CACNA2D3: variants seen among roughly 807,000 people sequenced by gnomAD.
CACNA2D3 encodes the protein voltage-dependent calcium channel subunit alpha-2/delta-3.
CACNA2D3 carries 60 observed loss-of-function variants against 160.6 expected under a neutral mutation model. The ratio of observed to expected loss-of-function variants is 0.37; its 90% CI spans 0.30 to 0.46. The LOEUF (loss-of-function observed/expected upper bound fraction) is 0.46. Ranked by LOEUF, CACNA2D3 falls within the 20% of genes least tolerant of loss-of-function variation. CACNA2D3 has a pLI of 1.00. For synonymous variants in CACNA2D3, 558 were observed against 492.9 expected, an observed-to-expected ratio of 1.13 and a Z score of -1.75; for missense variants, 1,205 against 1,365.0, an observed-to-expected ratio of 0.88 and a Z score of 1.85.
At chr3:54,806,209 C>G (rs534939380) in intron 13 of CACNA2D3, among the ~76,000 whole-genome samples, 1 of 152,274 alleles carries the variant, frequency 6.6e-6, no homozygotes, top group African/African-American at 2.4e-5. Flanking sequence ...CCAGGGCAAT[C>G]AGGCGGGAGA....
rs1310640163 is a variant in CACNA2D3, at chr3:54,642,230, C to G, written c.1156C>G (p.Pro386Ala). 2.1e-5 allele frequency: 33 copies of G among 1,606,876 alleles called. No individual in the cohort carries two copies. The highest frequency in any genetic ancestry group is 2.8e-5 in the Non-Finnish European group (33 of 1,175,416). The change falls in exon 11 of 38, where the codon CCA becomes GCA. Residue 386 changes from proline (P) to alanine (A), a missense_variant. Transcript: ENST00000474759. ...YDTIFAKYNW[P>A]DRKVRIFTYL... ...TACAATCTTTGCAAAATACAATTGGCCAGATCGAAAGGTAAGTTGATGCTG... is the reference window on the plus strand; with the variant it reads ...TACAATCTTTGCAAAATACAATTGGGCAGATCGAAAGGTAAGTTGATGCTG...
chr3:54,914,247 G>A (rs1477685395), intron 27 of CACNA2D3, among the ~76,000 whole-genome samples: 11 of 151,976 alleles, frequency 7.2e-5, no homozygotes, highest in Admixed American at 7.2e-4. Flanking sequence ...GTCAACTCCA[G>A]TTGATCAGTA....
At chr3:54,502,851 G>C (rs538559884) in intron 4 of CACNA2D3, among the ~76,000 whole-genome samples, 1 of 152,320 alleles carries the variant, frequency 6.6e-6, no homozygotes, top group Non-Finnish European at 1.5e-5. Context: ...TAAGCCTTCT[G>C]TATATGTGAG....
In CACNA2D3 at chr3:54,287,779, A is replaced by G. The variant is rs59765939; in HGVS notation, c.205-32663A>G. On this transcript the variant is annotated intron_variant, in intron 2 of 37. Transcript: ENST00000474759. ...AACTCAGGATTAAGAATCTCACTAA[A>G]AACCGCTCAACTGCATGGAAACTGA... Among the ~76,000 whole-genome samples, 280 of 148,918 alleles carry G rather than the reference A, an allele frequency of 1.9e-3. 3 individuals carry two copies. In the East Asian group the frequency reaches 0.035, roughly 19 times the overall value.
intron 31 of CACNA2D3, among the ~76,000 whole-genome samples, chr3:54,997,873 C>T (rs189147459): frequency 2.6e-5 from 4 of 152,116 alleles, no homozygotes; most frequent in Non-Finnish European, 4.4e-5. Flanking sequence ...CCAGATTCTT[C>T]GATGAGGCCT....
At chr3:54,489,137 C>T (rs1456936351) in intron 4 of CACNA2D3, among the ~76,000 whole-genome samples, 1 of 152,096 alleles carries the variant, frequency 6.6e-6, no homozygotes, top group Non-Finnish European at 1.5e-5. Context: ...CCAGAGTGAG[C>T]AGGGCCTCAT....
chr3:54,464,041 G>T (rs930853461), intron 4 of CACNA2D3, among the ~76,000 whole-genome samples: 1 of 152,236 alleles, frequency 6.6e-6, no homozygotes, highest in East Asian at 1.9e-4. Context: ...GTGCACTCCA[G>T]ACCCTGTTTG....
chr3:54,814,074 G>T (rs1051887862), intron 13 of CACNA2D3, among the ~76,000 whole-genome samples: 5 of 151,716 alleles, frequency 3.3e-5, no homozygotes, highest in African/African-American at 1.2e-4. Context: ...TCACTATGTT[G>T]CCCAGGCTGG....
intron 34 of CACNA2D3, among the ~76,000 whole-genome samples, chr3:55,013,919 A>T (rs1209885186): frequency 6.7e-6 from 1 of 149,852 alleles, no homozygotes. Flanking sequence ...AAAATTAAAG[A>T]AATTCAGTTG....
chr3:54,638,230 G>T (rs1441646699), intron 10 of CACNA2D3: 1 of 151,966 alleles, frequency 6.6e-6, no homozygotes, highest in Non-Finnish European at 1.5e-5. Flanking sequence ...AGGGGCTAGG[G>T]CTGTAAAGTG....
At chr3:54,770,665 G>C (rs1278431210) in intron 13 of CACNA2D3, among the ~76,000 whole-genome samples, 1 of 152,180 alleles carries the variant, frequency 6.6e-6, no homozygotes, top group Non-Finnish European at 1.5e-5. Context: ...CTGGACATGT[G>C]ATCTGGAAGG....
intron 11 of CACNA2D3, among the ~76,000 whole-genome samples, chr3:54,693,314 A>G (rs1700601928): frequency 6.6e-6 from 1 of 152,212 alleles, no homozygotes; most frequent in South Asian, 2.1e-4. Flanking sequence ...GTTTTTCCAT[A>G]AGATTATAAT....
chr3:54,146,542 G>C (rs924230069), intron 2 of CACNA2D3, among the ~76,000 whole-genome samples: 1 of 152,210 alleles, frequency 6.6e-6, no homozygotes, highest in Non-Finnish European at 1.5e-5. Context: ...CTCTTCCTCT[G>C]TAGGGTTTGG....
chr3:55,062,597 C>T (rs1704541467), intron 35 of CACNA2D3, among the ~76,000 whole-genome samples: 1 of 152,168 alleles, frequency 6.6e-6, no homozygotes, highest in Non-Finnish European at 1.5e-5. Context: ...AGTAGCTGGC[C>T]TACTCACTAT....
intron 11 of CACNA2D3, among the ~76,000 whole-genome samples, chr3:54,687,129 T>TTTTG (rs1700471338): frequency 2.0e-5 from 1 of 51,012 alleles, no homozygotes; most frequent in African/African-American, 1.1e-4. Context: ...TTCTTTTTTT[T>TTTTG]TTTTTGTTTT....
chr3:54,388,360 A>C (rs968198442), intron 4 of CACNA2D3, among the ~76,000 whole-genome samples: 3 of 152,172 alleles, frequency 2.0e-5, no homozygotes, highest in African/African-American at 7.2e-5. Flanking sequence ...AGCTGTTGGT[A>C]TGGTTGATGC....
At position 54,961,765 on chromosome 3, in the gene CACNA2D3, A is replaced by T. The variant is rs983120798; in HGVS notation, c.2450-6685A>T. On this transcript the variant is annotated intron_variant, in intron 27 of 37. Transcript: ENST00000474759. ...TTGTCCTGAGTATGCATGAATGATC[A>T]CAATTCCAGAAGGGGTGGGTGACAG... Among the ~76,000 whole-genome samples the T allele has an allele frequency of 2.0e-5, 3 of 152,214 alleles. No homozygotes were observed. In the East Asian group the frequency reaches 5.8e-4, roughly 29 times the overall value.
At chr3:54,178,412 G>C (rs1177867857) in intron 2 of CACNA2D3, among the ~76,000 whole-genome samples, 1 of 152,234 alleles carries the variant, frequency 6.6e-6, no homozygotes, top group Admixed American at 6.5e-5. Context: ...GGTCTCCCAA[G>C]GTGGACAGGA....
At chr3:54,397,543 C>T (rs1055413812) in intron 4 of CACNA2D3, among the ~76,000 whole-genome samples, 9 of 144,442 alleles carry the variant, frequency 6.2e-5, no homozygotes, top group Non-Finnish European at 1.2e-4. Context: ...TTTCAAAGAA[C>T]ATTTTTATTT....
Sources: allele counts gnomAD v4.1 joint callset (sites outside exome capture counted in the v4.1 genomes callset), GRCh38; gene constraint gnomAD v4.1.1; transcripts MANE v1.5; gene names NCBI Gene and HGNC (gene_info 2026-07-23, HGNC 2026-07-21).